Variants in ANXA4 observed in about 807,000 individuals in gnomAD.
The protein encoded by ANXA4 is 35-beta calcimedin.
In ANXA4, 39 loss-of-function variants were observed where a neutral mutation model predicts 49.8. The observed-to-expected ratio is 0.78, with a 90% CI of 0.61 to 1.02. ANXA4 has a LOEUF of 1.02. Among genes scored for constraint, ANXA4 ranks in the 50% least tolerant of loss-of-function variants. ANXA4 has a pLI of 0.00. For missense variants in ANXA4, 360 were observed against 410.1 expected (o/e 0.88, Z 1.05); for synonymous variants, 134 against 152.5 (o/e 0.88, Z 0.89).
chr2:69,689,626 C>T (rs1248100017), intron 2 of ANXA4, among the ~76,000 whole-genome samples: 2 of 152,054 alleles, frequency 1.3e-5, no homozygotes, highest in African/African-American at 4.8e-5. Flanking sequence ...GGTTTTATGG[C>T]GTATCATAAT....
intron 1 of ANXA4, among the ~76,000 whole-genome samples, chr2:69,749,797 C>T (rs140442699): frequency 9.2e-5 from 14 of 151,538 alleles, no homozygotes; most frequent in East Asian, 7.8e-4. Flanking sequence ...TGGTAGTGCA[C>T]GCACATAATC....
At position 69,752,779 on chromosome 2, in the gene ANXA4, T is replaced by A. The variant is rs552462160; in HGVS notation, c.-47+10604T>A. On this transcript the variant is annotated intron_variant, in intron 1 of 12. Coordinates refer to ENST00000394295, the MANE Select transcript of ANXA4 (RefSeq NM_001153.5). ...GGACAATTTCCCATGGCCTAGAAAA[T>A]TTAGTCCACCCTCTAGGCCTGGCCT... Among the ~76,000 whole-genome samples, 3 of 152,272 alleles carry A rather than the reference T, an allele frequency of 2.0e-5. No individual in the cohort carries two copies. In the East Asian group the frequency reaches 5.8e-4, roughly 29 times the overall value.
intron 2 of ANXA4, among the ~76,000 whole-genome samples, chr2:69,677,225 C>T (rs527824624): frequency 1.3e-5 from 2 of 152,144 alleles, no homozygotes; most frequent in East Asian, 3.9e-4. Flanking sequence ...ATTAAAGGTT[C>T]TTCATAAATA....
chr2:69,791,595 C>T (rs1672692098), intron 3 of ANXA4, among the ~76,000 whole-genome samples: 2 of 152,134 alleles, frequency 1.3e-5, no homozygotes, highest in African/African-American at 2.4e-5. Context: ...TAAGGATTAG[C>T]CGTGTTCTAA....
At chr2:69,767,381 G>T (rs1215195843) in intron 1 of ANXA4, among the ~76,000 whole-genome samples, 1 of 152,182 alleles carries the variant, frequency 6.6e-6, no homozygotes, top group Non-Finnish European at 1.5e-5. Context: ...TCTGAAGCAG[G>T]CTGTACTTTG....
chr2:69,822,859 C>A (rs766045924), intron 12 of ANXA4, among the ~76,000 whole-genome samples: 12 of 151,846 alleles, frequency 7.9e-5, no homozygotes, highest in Non-Finnish European at 1.8e-4. Flanking sequence ...GGTTACATAA[C>A]ATTGTAAAAG....
chr2:69,685,224 C>G (rs1677745733), intron 2 of ANXA4, among the ~76,000 whole-genome samples: 1 of 152,022 alleles, frequency 6.6e-6, no homozygotes, highest in South Asian at 2.1e-4. Flanking sequence ...TGATTAAGAT[C>G]CAGATGAGTT....
At chr2:69,819,421 A>C (rs1158542523) in intron 11 of ANXA4, 83 bp downstream of exon 11, 4 of 1,011,752 alleles carry the variant, frequency 4.0e-6, no homozygotes, top group Non-Finnish European at 6.0e-6. Flanking sequence ...TCCCCTATCC[A>C]AACTTTGCTC....
At chr2:69,817,402 TA>T (rs1219017677) in intron 9 of ANXA4, 1 of 152,256 alleles carries the variant, frequency 6.6e-6, no homozygotes, top group East Asian at 1.9e-4. Flanking sequence ...AAGCATTTTA[TA>T]AGCATTGTTT....
chr2:69,671,286 A>T (rs1441164838), intron 2 of ANXA4, among the ~76,000 whole-genome samples: 2 of 152,204 alleles, frequency 1.3e-5, no homozygotes, highest in Non-Finnish European at 2.9e-5. Context: ...GACAGGCTAA[A>T]ACTCAATCAA....
chr2:69,655,631 G>A (rs913468851), intron 2 of ANXA4, among the ~76,000 whole-genome samples: 6 of 152,234 alleles, frequency 3.9e-5, no homozygotes, highest in African/African-American at 1.4e-4. Context: ...GATTCCAAAA[G>A]GATCTAGAAC....
intron 7 of ANXA4, among the ~76,000 whole-genome samples, chr2:69,812,121 CTTT>C (rs1327532159): frequency 2.2e-5 from 3 of 138,364 alleles, no homozygotes; most frequent in African/African-American, 2.7e-5. Context: ...ACCTCCCCAC[CTTT>C]TTTTTTTTTT....
upstream of ANXA4, among the ~76,000 whole-genome samples, chr2:69,740,647 CT>C (rs1160761189): frequency 7.8e-6 from 1 of 127,934 alleles, no homozygotes; most frequent in Non-Finnish European, 1.7e-5. Context: ...GTTTTCTTTT[CT>C]TTTTTTCTTT....
At chr2:69,697,170 A>G (rs978494084) in intron 2 of ANXA4, among the ~76,000 whole-genome samples, 6 of 152,214 alleles carry the variant, frequency 3.9e-5, no homozygotes, top group Admixed American at 1.3e-4. Flanking sequence ...AGCCACCTTC[A>G]TCTATGATCT....
intron 3 of ANXA4, among the ~76,000 whole-genome samples, chr2:69,734,277 AAC>A (rs1670184820): frequency 6.6e-6 from 1 of 152,192 alleles, no homozygotes; most frequent in African/African-American, 2.4e-5. Flanking sequence ...CCAATATTGT[AAC>A]AGTGAGAGAA....
At chr2:69,770,150 A>G (rs1671651775) in intron 1 of ANXA4, among the ~76,000 whole-genome samples, 1 of 152,082 alleles carries the variant, frequency 6.6e-6, no homozygotes, top group Non-Finnish European at 1.5e-5. Context: ...TCATTCCTTT[A>G]CCTTCTACAT....
intron 1 of ANXA4, among the ~76,000 whole-genome samples, chr2:69,746,493 A>G (rs1219201397): frequency 6.6e-6 from 1 of 152,178 alleles, no homozygotes; most frequent in Admixed American, 6.5e-5. Flanking sequence ...AGATTACTAC[A>G]TTAATTCCCT....
At chr2:69,765,208 T>A (rs1671450366) in intron 1 of ANXA4, among the ~76,000 whole-genome samples, 1 of 152,232 alleles carries the variant, frequency 6.6e-6, no homozygotes, top group Non-Finnish European at 1.5e-5. Context: ...TTTCTTCGAG[T>A]TCCTGCTTCC....
chr2:69,769,746 C>T (rs1162223944), intron 1 of ANXA4, among the ~76,000 whole-genome samples: 1 of 152,190 alleles, frequency 6.6e-6, no homozygotes. Context: ...TCACTGCAGC[C>T]TCTGCCTCCA....
Sources: gnomAD v4.1 joint callset for allele counts (sites outside exome capture counted in the v4.1 genomes callset) on GRCh38, gnomAD v4.1.1 for gene constraint, MANE v1.5 for transcripts, NCBI Gene and HGNC (gene_info 2026-07-23, HGNC 2026-07-21) for gene names.